ARSG: variants seen among roughly 807,000 people sequenced by gnomAD.
ARSG encodes the protein arylsulfatase G.
ARSG carries 37 observed loss-of-function variants against 50.5 expected under a neutral mutation model. That is an observed-to-expected ratio of 0.73 (90% CI 0.56 to 0.96). ARSG has a LOEUF of 0.96. Ranked by LOEUF, ARSG falls within the 50% of genes least tolerant of loss-of-function variation. The pLI is 0.00. For missense variants in ARSG, 629 were observed against 675.3 expected, an observed-to-expected ratio of 0.93 and a Z score of 0.76; for synonymous variants, 225 against 254.6, an observed-to-expected ratio of 0.88 and a Z score of 1.11.
chr17:68,308,546 C>T (rs1213006287), intron 2 of ARSG, among the ~76,000 whole-genome samples: 1 of 152,122 alleles, frequency 6.6e-6, no homozygotes, highest in African/African-American at 2.4e-5. Flanking sequence ...GCAGTGTGGA[C>T]CCAAAGAGTG....
intron 6 of ARSG, among the ~76,000 whole-genome samples, chr17:68,362,057 C>T (rs1209065865): frequency 6.6e-6 from 1 of 152,212 alleles, no homozygotes; most frequent in Non-Finnish European, 1.5e-5. Context: ...GGCTAAGACA[C>T]AGGACACGCA....
At chr17:68,337,174 T>C (rs1315861626) in intron 2 of ARSG, among the ~76,000 whole-genome samples, 2 of 152,050 alleles carry the variant, frequency 1.3e-5, no homozygotes, top group African/African-American at 2.4e-5. Flanking sequence ...GGAGCAATTT[T>C]GGAGGGGAAA....
chr17:68,393,675 T>C (rs769669539), intron 9 of ARSG, among the ~76,000 whole-genome samples: 6 of 152,044 alleles, frequency 3.9e-5, no homozygotes, highest in Non-Finnish European at 8.8e-5. Flanking sequence ...GAGACCAACC[T>C]GGCCAACACG....
At chr17:68,364,821 C>T (rs913111765) in intron 6 of ARSG, among the ~76,000 whole-genome samples, 11 of 152,238 alleles carry the variant, frequency 7.2e-5, no homozygotes, top group African/African-American at 2.6e-4. Flanking sequence ...AGGTGTCCCC[C>T]CACTCTATTT....
At chr17:68,268,413 T>C (rs782575732) in intron 1 of ARSG, 29 of 137,706 alleles carry the variant, frequency 2.1e-4, no homozygotes, top group Admixed American at 3.2e-4. Flanking sequence ...TCTTCACATT[T>C]ATGAAGTTCA....
In ARSG at chr17:68,311,620, T is replaced by C. The variant is rs116400357; in HGVS notation, c.218+3909T>C. Among the ~76,000 whole-genome samples, 1,339 of 151,206 alleles carry C rather than the reference T, an allele frequency of 8.9e-3. 16 individuals are homozygous for C. Among genetic ancestry groups the C allele is most frequent in the African/African-American group, 0.031 (1,277 of 41,208 alleles). On this transcript the variant is annotated intron_variant, in intron 2 of 11. Coordinates refer to ENST00000621439, the MANE Select transcript of ARSG (RefSeq NM_001267727.2). Reference sequence around the variant, plus strand: ...AGACACAGGGACACACAGAGAGAGATGGTGACGTGAAGATGGAGGCAGAGA... The same window carrying C: ...AGACACAGGGACACACAGAGAGAGACGGTGACGTGAAGATGGAGGCAGAGA...
intron 1 of ARSG, among the ~76,000 whole-genome samples, chr17:68,293,953 T>C (rs1319281188): frequency 1.3e-5 from 2 of 152,204 alleles, no homozygotes; most frequent in East Asian, 1.9e-4. Context: ...TGAAAACCCC[T>C]GCTTTTTTAA....
At chr17:68,360,524 G>C (rs923378909) in intron 6 of ARSG, among the ~76,000 whole-genome samples, 1 of 152,216 alleles carries the variant, frequency 6.6e-6, no homozygotes, top group Non-Finnish European at 1.5e-5. Context: ...CAAGACCCTC[G>C]ACGTAGTACT....
chr17:68,260,059 CTTG>C (rs2075048830), intron 1 of ARSG, among the ~76,000 whole-genome samples: 1 of 152,188 alleles, frequency 6.6e-6, no homozygotes, highest in African/African-American at 2.4e-5. Flanking sequence ...TCTGTTGCAG[CTTG>C]TTTTTTACCC....
At chr17:68,322,981 C>G (rs1236122612) in intron 2 of ARSG, among the ~76,000 whole-genome samples, 1 of 152,050 alleles carries the variant, frequency 6.6e-6, no homozygotes, top group African/African-American at 2.4e-5. Flanking sequence ...CAAGACCAGC[C>G]TGGTCAACAT....
At chr17:68,388,225 T>C (rs75954278) in intron 9 of ARSG, among the ~76,000 whole-genome samples, 9,979 of 152,212 alleles carry the variant, frequency 0.066, 723 homozygotes, top group African/African-American at 0.17. Context: ...TAGTTTTAAC[T>C]TAAAACTGTG....
At chr17:68,313,985 T>C (rs1487544645) in intron 2 of ARSG, among the ~76,000 whole-genome samples, 1 of 151,948 alleles carries the variant, frequency 6.6e-6, no homozygotes. Context: ...GGCCTACATA[T>C]CTCTTTTTAC....
chr17:68,411,234 C>G (rs1052864603), intron 11 of ARSG, among the ~76,000 whole-genome samples: 4 of 152,152 alleles, frequency 2.6e-5, no homozygotes, highest in Non-Finnish European at 4.4e-5. Context: ...AATTTTAGAT[C>G]TTTTCTGCTT....
At chr17:68,450,871 C>T in the ARSG span, 1 of 1,613,728 alleles carries the variant, frequency 6.2e-7, no homozygotes, top group South Asian at 1.1e-5. Flanking sequence ...AAGAGGCGCT[C>T]CACGATGTAG....
At chr17:68,290,704 G>C (rs1555755495), upstream of ARSG, among the ~76,000 whole-genome samples, 3 of 152,260 alleles carry the variant, frequency 2.0e-5, no homozygotes, top group African/African-American at 7.2e-5. Flanking sequence ...GCGACGCGCA[G>C]GCAACTTCAT....
chr17:68,300,935 G>A (rs1420046301), intron 1 of ARSG, among the ~76,000 whole-genome samples: 1 of 151,840 alleles, frequency 6.6e-6, no homozygotes, highest in Non-Finnish European at 1.5e-5. Flanking sequence ...TGGCTAACAT[G>A]GTGAAACCCC....
intron 1 of ARSG, among the ~76,000 whole-genome samples, chr17:68,293,334 A>C (rs1419288020): frequency 6.6e-6 from 1 of 152,178 alleles, no homozygotes; most frequent in Non-Finnish European, 1.5e-5. Context: ...TTTATACCTG[A>C]GTGACTCGAA....
At chr17:68,426,253 G>GGGGCCCCCCCC, downstream of ARSG, 1 of 841,018 alleles carries the variant, frequency 1.2e-6, no homozygotes, top group Non-Finnish European at 1.9e-6. Context: ...GGGGAGCGGG[G>GGGGCCCCCCCC]GCTCAAATAA....
At chr17:68,420,125 T>C (rs1767860932) in intron 11 of ARSG, 64 bp from the exon 12 acceptor site, 12 of 1,564,678 alleles carry the variant, frequency 7.7e-6, no homozygotes, top group Middle Eastern at 2.3e-4. Context: ...CTCGCAGCTC[T>C]CGTCTTTACA....
Sources: gnomAD v4.1 joint callset for allele counts (sites outside exome capture counted in the v4.1 genomes callset) on GRCh38, gnomAD v4.1.1 for gene constraint, MANE v1.5 for transcripts, NCBI Gene and HGNC (gene_info 2026-07-23, HGNC 2026-07-21) for gene names.